EIF3H: variants seen among roughly 807,000 people sequenced by gnomAD.
The protein encoded by EIF3H is eukaryotic translation initiation factor 3 subunit H, also known as eIF-3-gamma.
In EIF3H, 26 loss-of-function variants were observed where a neutral mutation model predicts 44.2. The observed-to-expected ratio is 0.59, with a 90% CI of 0.43 to 0.82. The LOEUF (loss-of-function observed/expected upper bound fraction) is 0.82. Ranked by LOEUF, EIF3H falls within the 40% of genes least tolerant of loss-of-function variation. The probability of loss-of-function intolerance (pLI) is 0.00; values close to 1 mark genes in which losing one functional copy is unlikely to be tolerated. For synonymous variants in EIF3H, 166 were observed against 151.9 expected, an observed-to-expected ratio of 1.09 and a Z score of -0.68; for missense variants, 359 against 432.8, an observed-to-expected ratio of 0.83 and a Z score of 1.51.
rs147395174 is a variant in EIF3H, at chr8:116,665,987, A to G, written c.290-7007T>C. Among the ~76,000 whole-genome samples the G allele has an allele frequency of 1.4e-3, 213 of 152,276 alleles. 1 individual carries two copies. The highest frequency in any genetic ancestry group is 6.8e-3 in the Middle Eastern group (2 of 294). On this transcript the variant is annotated intron_variant, in intron 2 of 7. Transcript: ENST00000521861. ...TCTCTGCATCCAATCTGTACCACAT[A>G]TTCCTCTCGTTTCAATTAATACATC...
upstream of EIF3H, among the ~76,000 whole-genome samples, chr8:116,758,695 A>G: frequency 6.6e-6 from 1 of 152,214 alleles, no homozygotes; most frequent in East Asian, 1.9e-4. Flanking sequence ...TAAAGAAGGA[A>G]TTAAAACATA....
intron 1 of EIF3H, among the ~76,000 whole-genome samples, chr8:116,753,462 T>G (rs1456912368): frequency 6.6e-6 from 1 of 152,234 alleles, no homozygotes; most frequent in Non-Finnish European, 1.5e-5. Flanking sequence ...GTGGTAGATA[T>G]GAGCGTTTTC....
At chr8:116,703,763 A>G (rs547844763) in intron 2 of EIF3H, among the ~76,000 whole-genome samples, 6 of 152,076 alleles carry the variant, frequency 3.9e-5, no homozygotes, top group Non-Finnish European at 7.4e-5. Flanking sequence ...ACACCCAGGC[A>G]TTTGGGGCCA....
chr8:116,647,733 G>A (rs1813327968), intron 6 of EIF3H, among the ~76,000 whole-genome samples: 1 of 152,174 alleles, frequency 6.6e-6, no homozygotes, highest in Admixed American at 6.5e-5. Flanking sequence ...TCTTTCTAGT[G>A]AAGGAACGTA....
chr8:116,726,536 C>T (rs971340132), intron 1 of EIF3H, among the ~76,000 whole-genome samples: 1 of 152,186 alleles, frequency 6.6e-6, no homozygotes, highest in Non-Finnish European at 1.5e-5. Context: ...TTAATAGACA[C>T]ATAAATGACA....
intron 2 of EIF3H, among the ~76,000 whole-genome samples, chr8:116,672,474 G>T (rs1048494495): frequency 3.3e-5 from 5 of 152,024 alleles, no homozygotes; most frequent in African/African-American, 1.2e-4. Context: ...TTAAAAATTA[G>T]CCAGGCATGG....
At chr8:116,670,836 C>T (rs1432849814) in intron 2 of EIF3H, among the ~76,000 whole-genome samples, 1 of 152,186 alleles carries the variant, frequency 6.6e-6, no homozygotes, top group Non-Finnish European at 1.5e-5. Context: ...TTTTTACACA[C>T]AGATCTCTTG....
rs145582481 is a variant in EIF3H, at chr8:116,685,107, G to A, written c.290-26127C>T. ...ATATTGATATTATGCAAATCACTCC[G>A]TCTTTAGGTTATACAAGACTGTGTG... On this transcript the variant is annotated intron_variant, in intron 2 of 7. Transcript: ENST00000521861. Among the ~76,000 whole-genome samples the A allele has an allele frequency of 6.1e-3, 921 of 152,204 alleles. 6 individuals carry two copies. Among genetic ancestry groups the A allele is most frequent in the African/African-American group, 0.02 (845 of 41,536 alleles).
At chr8:116,691,185 A>G (rs1586458417) in intron 2 of EIF3H, among the ~76,000 whole-genome samples, 1 of 152,236 alleles carries the variant, frequency 6.6e-6, no homozygotes, top group Non-Finnish European at 1.5e-5. Flanking sequence ...ACTTTAATTT[A>G]CCATTCATAA....
chr8:116,693,789 C>T lies in EIF3H; in HGVS notation c.289+32227G>A, dbSNP rs78892311. ...CTCTGAATTCCTTAAGGGATCCTCC[C>T]GCCTCAGCCTCCCAAAGAGCTGGGA... On this transcript the variant is annotated intron_variant, in intron 2 of 7. Coordinates refer to ENST00000521861, the MANE Select transcript of EIF3H (RefSeq NM_003756.3). 5.7e-3 allele frequency among the ~76,000 whole-genome samples: 871 copies of T among 152,114 alleles called. 10 individuals are homozygous for T. Among genetic ancestry groups the T allele is most frequent in the African/African-American group, 0.02 (844 of 41,492 alleles).
At chr8:116,731,278 G>A (rs1291881884) in intron 1 of EIF3H, among the ~76,000 whole-genome samples, 1 of 152,152 alleles carries the variant, frequency 6.6e-6, no homozygotes, top group African/African-American at 2.4e-5. Context: ...GCCATCTGGG[G>A]AGCTTTAAAG....
chr8:116,694,144 CTTTT>C (rs201448890), intron 2 of EIF3H, among the ~76,000 whole-genome samples: 1 of 144,968 alleles, frequency 6.9e-6, no homozygotes, highest in Non-Finnish European at 1.5e-5. Context: ...ATGAGCAAAC[CTTTT>C]TTTTTTTTTT....
At chr8:116,717,048 T>C (rs567230330) in intron 2 of EIF3H, among the ~76,000 whole-genome samples, 2 of 152,234 alleles carry the variant, frequency 1.3e-5, no homozygotes, top group Non-Finnish European at 2.9e-5. Flanking sequence ...AATGGGTCTT[T>C]ACCATGATTT....
rs2130762785 is a variant in EIF3H at position 116,643,027 on chromosome 8, G to A, written c.*1979C>T. The A allele has an allele frequency of 6.6e-6, 1 of 152,302 alleles. No individual in the cohort carries two copies. Among genetic ancestry groups the A allele is most frequent in the South Asian group, 2.1e-4 (1 of 4,830 alleles). The allele number at this position is 152,302 out of a possible 1,614,324, so 9.4% of individuals were successfully genotyped here. A position where few individuals can be genotyped will look rare whatever the true frequency, so the allele number is the denominator to read the frequency against. Reference sequence around the variant, plus strand: ...TAATCCTAAAAAATACATAAGTTATGTTCCAACTGATTTTCCTTGCTTTTA... The same window carrying A: ...TAATCCTAAAAAATACATAAGTTATATTCCAACTGATTTTCCTTGCTTTTA... On this transcript the variant is annotated 3_prime_UTR_variant, in exon 8 of 8. Transcript: ENST00000521861.
At chr8:116,660,432 A>T (rs561799143) in intron 2 of EIF3H, among the ~76,000 whole-genome samples, 3 of 152,334 alleles carry the variant, frequency 2.0e-5, no homozygotes, top group Admixed American at 6.5e-5. Flanking sequence ...GTAGGAGAAG[A>T]AGTTATAAAT....
At chr8:116,679,767 G>A (rs1254138821) in intron 2 of EIF3H, among the ~76,000 whole-genome samples, 2 of 12,324 alleles carry the variant, frequency 1.6e-4, no homozygotes, top group African/African-American at 3.8e-4. Flanking sequence ...AGGTGGGGGG[G>A]TCAGCCCCCC....
chr8:116,685,427 GAA>G (rs1814060156), intron 2 of EIF3H, among the ~76,000 whole-genome samples: 1 of 152,166 alleles, frequency 6.6e-6, no homozygotes, highest in Admixed American at 6.6e-5. Flanking sequence ...AGTATTTGGA[GAA>G]ACAGTTTTAT....
At chr8:116,687,664 C>T (rs1223305399) in intron 2 of EIF3H, among the ~76,000 whole-genome samples, 1 of 152,140 alleles carries the variant, frequency 6.6e-6, no homozygotes, top group East Asian at 1.9e-4. Flanking sequence ...ATTTCCAATG[C>T]TGCTTTCATT....
intron 1 of EIF3H, among the ~76,000 whole-genome samples, chr8:116,738,219 GAACA>G (rs1196872039): frequency 6.6e-6 from 1 of 152,170 alleles, no homozygotes; most frequent in African/African-American, 2.4e-5. Flanking sequence ...TCACAAAATA[GAACA>G]AACTAACGTT....
Sources: gnomAD v4.1 joint callset for allele counts (sites outside exome capture counted in the v4.1 genomes callset) on GRCh38, gnomAD v4.1.1 for gene constraint, MANE v1.5 for transcripts, NCBI Gene and HGNC (gene_info 2026-07-23, HGNC 2026-07-21) for gene names.